Variants in LPIN3 observed in about 807,000 individuals in gnomAD.
The protein encoded by LPIN3 is lipin 3.
A neutral mutation model predicts 94.7 loss-of-function variants in LPIN3; 82 were observed. The ratio of observed to expected loss-of-function variants is 0.87; its 90% CI spans 0.72 to 1.04. The LOEUF is 1.04. Among genes scored for constraint, LPIN3 ranks in the 50% least tolerant of loss-of-function variants. LPIN3 has a pLI of 0.00. For synonymous variants in LPIN3, 418 were observed against 443.3 expected, an observed-to-expected ratio of 0.94 and a Z score of 0.72; for missense variants, 996 against 1,090.5, an observed-to-expected ratio of 0.91 and a Z score of 1.22.
intron 13 of LPIN3, 117 bp downstream of exon 13, chr20:41,354,980 T>G: frequency 1.0e-6 from 1 of 958,482 alleles, no homozygotes; most frequent in Non-Finnish European, 1.5e-6. Context: ...TTTTTTTTTT[T>G]GTCATTCCTC....
chr20:41,347,043 G>A (rs973201268), intron 2 of LPIN3, among the ~76,000 whole-genome samples: 2 of 152,198 alleles, frequency 1.3e-5, no homozygotes, highest in Non-Finnish European at 2.9e-5. Flanking sequence ...TTCCTCATCT[G>A]TAAAGTGGAG....
In LPIN3 at chr20:41,358,454, C is replaced by T. The variant is rs774436094; in HGVS notation, c.2323C>T (p.Arg775Trp). Residue 775 changes from arginine to tryptophan, a missense_variant, in exon 19 of 20, where the codon CGG becomes TGG. Transcript: ENST00000373257. Reference sequence around the variant, plus strand: ...TCTCCCACAGGATGTCTTTGCCTACCGGCAGGTGGGCCTGCCTGAGTCACG... The same window carrying T: ...TCTCCCACAGGATGTCTTTGCCTACTGGCAGGTGGGCCTGCCTGAGTCACG... ...GNRPNDVFAY[R>W]QVGLPESRIF... 29 of 1,613,964 alleles carry T rather than the reference C, an allele frequency of 1.8e-5. No homozygotes were observed. Among genetic ancestry groups the T allele is most frequent in the Admixed American group, 3.3e-5 (2 of 60,012 alleles).
intron 11 of LPIN3, among the ~76,000 whole-genome samples, chr20:41,354,302 G>A (rs2046129910): frequency 6.6e-6 from 1 of 152,208 alleles, no homozygotes; most frequent in African/African-American, 2.4e-5. Context: ...TCACAGCATA[G>A]GGAGTACCAG....
At chr20:41,342,898 G>T (rs766704391) in intron 1 of LPIN3, among the ~76,000 whole-genome samples, 1 of 152,212 alleles carries the variant, frequency 6.6e-6, no homozygotes, top group Non-Finnish European at 1.5e-5. Flanking sequence ...CCAGTTACTT[G>T]CCTGAGAATA....
chr20:41,346,632 T>G (rs914465424), intron 2 of LPIN3, among the ~76,000 whole-genome samples: 8 of 152,062 alleles, frequency 5.3e-5, no homozygotes, highest in African/African-American at 1.9e-4. Context: ...TCCCAGCCAC[T>G]CCGGAGGCTG....
chr20:41,349,012 A>G lies in LPIN3; in HGVS notation c.558-80A>G. Reference sequence around the variant, plus strand: ...GAGCAGTAGTTGCTTCACCTTACCAAGCCCCTGATGTCCAGGCTCTCATGC... The same window carrying G: ...GAGCAGTAGTTGCTTCACCTTACCAGGCCCCTGATGTCCAGGCTCTCATGC... On this transcript the variant is annotated intron_variant, in intron 4 of 19. Transcript: ENST00000373257. The G allele has an allele frequency of 1.9e-6, 3 of 1,588,156 alleles. No individual in the cohort carries two copies. In the South Asian group the frequency reaches 3.4e-5, roughly 18 times the overall value.
chr20:41,358,990 A>G lies in LPIN3; in HGVS notation c.*124A>G, dbSNP rs2147024535. On this transcript the variant is annotated 3_prime_UTR_variant, in exon 20 of 20. Transcript: ENST00000373257. ...CACTGAAGGGGAAGGAGGAGGCTGC[A>G]GGTTGGTTGGCAGCTAGAGAGACTC... 1 of 1,298,224 alleles carries G rather than the reference A, an allele frequency of 7.7e-7. No individual in the cohort carries two copies. The highest frequency in any genetic ancestry group is 1.1e-6 in the Non-Finnish European group (1 of 947,166). The allele number at this position is 1,298,224 out of a possible 1,614,324, so 80.4% of individuals were successfully genotyped here. A position where few individuals can be genotyped will look rare whatever the true frequency, so the allele number is the denominator to read the frequency against.
Position 41,360,160 on chromosome 20 carries a change from T to C in LPIN3, c.*1294T>C, listed in dbSNP as rs1419695549. 6.6e-6 allele frequency: 1 copy of C among 152,618 alleles called. No homozygotes were observed. The highest frequency in any genetic ancestry group is 1.5e-5 in the Non-Finnish European group (1 of 68,044). 9.5% of individuals were successfully genotyped at this position (152,618 alleles called of 1,614,324 possible). ...ACCGGTGTCAAGAGTCTCTGGGAAC[T>C]GCATAGGCCTGAGGAACATGCATTT... On this transcript the variant is annotated 3_prime_UTR_variant, in exon 20 of 20. Transcript: ENST00000373257.
intron 3 of LPIN3, among the ~76,000 whole-genome samples, 189 bp from the exon 4 acceptor site, chr20:41,348,430 G>C (rs184062363): frequency 1.2e-3 from 177 of 152,334 alleles, no homozygotes; most frequent in African/African-American, 4.1e-3. Context: ...AGGGTGGCAG[G>C]TGGCTCTGTT....
chr20:41,352,931 C>T lies in LPIN3; in HGVS notation c.1527+64C>T. ...AGCCATAGACTCAGGGCACGGAGAC[C>T]CTTAGCAAGGAAGTGAAGGGTGAGC... On this transcript the variant is annotated intron_variant, in intron 11 of 19. Transcript: ENST00000373257. 27 of 1,566,866 alleles carry T rather than the reference C, an allele frequency of 1.7e-5. 1 individual carries two copies. The South Asian group carries it at 2.9e-4, about 17-fold the overall frequency.
intron 14 of LPIN3, 110 bp downstream of exon 14, chr20:41,356,144 A>G (rs1055028393): frequency 2.0e-6 from 3 of 1,476,498 alleles, no homozygotes; most frequent in African/African-American, 2.8e-5. Flanking sequence ...ATGTTCACCA[A>G]AGGCCAGAAT....
intron 16 of LPIN3, 138 bp from the exon 17 acceptor site, chr20:41,357,744 C>T (rs1010988304): frequency 1.8e-5 from 21 of 1,165,220 alleles, no homozygotes; most frequent in African/African-American, 9.3e-5. Flanking sequence ...ACTGCCTGGC[C>T]GTTCTCTTCA....
intron 7 of LPIN3, 87 bp from the exon 8 acceptor site, chr20:41,351,734 C>T (rs2046021800): frequency 1.6e-6 from 2 of 1,220,874 alleles, no homozygotes; most frequent in Non-Finnish European, 2.4e-6. Context: ...GCAGCACTGC[C>T]TTAGAGAATT....
chr20:41,347,438 C>A, intron 2 of LPIN3, 114 bp from the exon 3 acceptor site: 1 of 962,892 alleles, frequency 1.0e-6, no homozygotes, highest in East Asian at 2.5e-5. Flanking sequence ...GAGGGAACCC[C>A]AGCAAGTATG....
intron 2 of LPIN3, 123 bp downstream of exon 2, chr20:41,346,118 C>A: frequency 9.9e-7 from 1 of 1,008,044 alleles, no homozygotes. Flanking sequence ...TCTGGACAGG[C>A]TTCCCTTCAT....
chr20:41,347,512 C>A, intron 2 of LPIN3, 40 bp from the exon 3 acceptor site: 1 of 1,590,942 alleles, frequency 6.3e-7, no homozygotes, highest in Non-Finnish European at 8.6e-7. Flanking sequence ...GAAGCATGGG[C>A]GTGAAGGCCC....
In LPIN3 at chr20:41,351,722, G is replaced by A. The variant is rs190381897; in HGVS notation, c.1103-99G>A. On this transcript the variant is annotated intron_variant, in intron 7 of 19. Coordinates refer to ENST00000373257, the MANE Select transcript of LPIN3 (RefSeq NM_022896.3). The stretch of plus-strand genomic sequence containing the variant: ...TTGTATCACTGCAGAAGGTTCTGCT[G>A]GGCAGCACTGCCTTAGAGAATTCAG... 3.4e-4 allele frequency: 347 copies of A among 1,026,924 alleles called. 3 individuals are homozygous for A. Among genetic ancestry groups the A allele is most frequent in the South Asian group, 2.5e-3 (178 of 69,824 alleles). 63.6% of individuals were successfully genotyped at this position (1,026,924 alleles called of 1,614,324 possible).
At chr20:41,344,061 CAAAA>C (rs201851348) in intron 1 of LPIN3, among the ~76,000 whole-genome samples, 1 of 130,214 alleles carries the variant, frequency 7.7e-6, no homozygotes, top group Non-Finnish European at 1.7e-5. Context: ...GATCCTGTCT[CAAAA>C]AAAAAAAAGA....
intron 7 of LPIN3, among the ~76,000 whole-genome samples, chr20:41,350,876 G>T (rs2045983917): frequency 6.6e-6 from 1 of 152,156 alleles, no homozygotes; most frequent in South Asian, 2.1e-4. Flanking sequence ...ACAAGCTCAG[G>T]TTTATCTAAA....
Sources: gnomAD v4.1 joint callset for allele counts (sites outside exome capture counted in the v4.1 genomes callset) on GRCh38, gnomAD v4.1.1 for gene constraint, MANE v1.5 for transcripts, NCBI Gene and HGNC (gene_info 2026-07-23, HGNC 2026-07-21) for gene names.